Variants in ZNF678 observed in about 807,000 individuals in gnomAD.
ZNF678 encodes hypothetical protein MGC42493.
ZNF678 carries 5 observed loss-of-function variants against 3.0 expected under a neutral mutation model. That is an observed-to-expected ratio of 1.69 (90% confidence interval 0.88 to 3.56). The LOEUF (loss-of-function observed/expected upper bound fraction) is 3.56, where lower values mean the gene tolerates loss of function less well. Ranked by LOEUF, ZNF678 falls within the 30% of genes most tolerant of loss-of-function variation. The pLI is 0.00. For missense variants in ZNF678, 593 were observed against 605.0 expected, an observed-to-expected ratio of 0.98 and a Z score of 0.21; for synonymous variants, 218 against 199.6, an observed-to-expected ratio of 1.09 and a Z score of -0.78.
chr1:227,637,232 G>A (rs1191597568), intron 1 of ZNF678, among the ~76,000 whole-genome samples: 11 of 152,220 alleles, frequency 7.2e-5, no homozygotes. Flanking sequence ...GTAGCTTCAG[G>A]TAAGAGCATG....
chr1:227,578,016 A>C (rs1657030073), intron 1 of ZNF678, among the ~76,000 whole-genome samples: 1 of 152,166 alleles, frequency 6.6e-6, no homozygotes, highest in South Asian at 2.1e-4. Context: ...GCCGAATATG[A>C]AATTCTGGGA....
At position 227,645,855 on chromosome 1, in the gene ZNF678, G is replaced by A. The variant is rs118148399; in HGVS notation, c.-163-689G>A. 4.6e-3 allele frequency among the ~76,000 whole-genome samples: 699 copies of A among 152,316 alleles called. 18 individuals carry two copies. The South Asian group carries it at 0.057, about 12-fold the overall frequency. On this transcript the variant is annotated intron_variant, in intron 1 of 3. Coordinates refer to ENST00000343776, the MANE Select transcript of ZNF678 (RefSeq NM_001367909.1). ...CACTAGGTTAAGGTGCTCTCTGACA[G>A]ATTTCTGCACTATAAAGCAAATTAG...
chr1:227,637,650 G>A (rs754325471), intron 1 of ZNF678, among the ~76,000 whole-genome samples: 50 of 152,184 alleles, frequency 3.3e-4, no homozygotes, highest in Non-Finnish European at 5.9e-4. Flanking sequence ...GCCTTTTGGA[G>A]TAGATGGAAA....
intron 1 of ZNF678, among the ~76,000 whole-genome samples, chr1:227,612,245 G>C (rs139990361): frequency 7.9e-4 from 120 of 152,272 alleles, no homozygotes; most frequent in Middle Eastern, 3.4e-3. Context: ...ATTTCCACTA[G>C]GTCATGAGGT....
downstream of ZNF678, among the ~76,000 whole-genome samples, chr1:227,679,527 C>T (rs1024177644): frequency 2.7e-5 from 4 of 150,758 alleles, no homozygotes; most frequent in Non-Finnish European, 4.4e-5. Flanking sequence ...CCTGCTTGCT[C>T]AATTGATCAT....
chr1:227,573,581 G>A (rs1571857182), intron 1 of ZNF678, among the ~76,000 whole-genome samples: 1 of 152,250 alleles, frequency 6.6e-6, no homozygotes, highest in Non-Finnish European at 1.5e-5. Flanking sequence ...TCACACAAAT[G>A]GTCCACAGTT....
At chr1:227,668,900 A>G (rs1268696426) in intron 5 of ZNF678, among the ~76,000 whole-genome samples, 1 of 152,070 alleles carries the variant, frequency 6.6e-6, no homozygotes, top group African/African-American at 2.4e-5. Context: ...CAAGTTTCCT[A>G]TTCTGTTCTA....
intron 5 of ZNF678, among the ~76,000 whole-genome samples, chr1:227,675,916 G>A (rs1004207817): frequency 4.6e-5 from 7 of 152,232 alleles, no homozygotes; most frequent in Middle Eastern, 3.4e-3. Flanking sequence ...ATCTCAAGAC[G>A]GTATTTAATG....
Position 227,620,347 on chromosome 1 carries a change from C to T in ZNF678, c.-163-26197C>T, listed in dbSNP as rs142785498. ...GTAAGTTAACGTTACCATTAATATTCCACTTACATTGTGCTGAAAAAGTTT... is the reference window on the plus strand; with the variant it reads ...GTAAGTTAACGTTACCATTAATATTTCACTTACATTGTGCTGAAAAAGTTT... On this transcript the variant is annotated intron_variant, in intron 1 of 3. Coordinates refer to ENST00000343776, the MANE Select transcript of ZNF678 (RefSeq NM_001367909.1). 9.1e-4 allele frequency among the ~76,000 whole-genome samples: 139 copies of T among 152,252 alleles called. 2 individuals are homozygous for T. The East Asian group carries it at 0.025, about 27-fold the overall frequency.
At chr1:227,653,156 A>G (rs1184849365) in intron 3 of ZNF678, among the ~76,000 whole-genome samples, 13 of 152,128 alleles carry the variant, frequency 8.5e-5, no homozygotes, top group Non-Finnish European at 1.9e-4. Flanking sequence ...ATGCTTATAA[A>G]TGACACATCC....
chr1:227,589,357 G>A (rs1210144458), intron 1 of ZNF678, among the ~76,000 whole-genome samples: 5 of 151,726 alleles, frequency 3.3e-5, no homozygotes, highest in African/African-American at 4.9e-5. Context: ...TCAACTTTCT[G>A]CATATGGCTA....
At chr1:227,601,201 C>T (rs545114735) in intron 1 of ZNF678, among the ~76,000 whole-genome samples, 2 of 152,080 alleles carry the variant, frequency 1.3e-5, no homozygotes, top group African/African-American at 4.8e-5. Context: ...GTGATACTTC[C>T]AGCATTGTTA....
rs150529522 is a variant in ZNF678 at position 227,642,336 on chromosome 1, C to T, written c.-163-4208C>T. Among the ~76,000 whole-genome samples the T allele has an allele frequency of 4.6e-5, 7 of 152,304 alleles. No homozygotes were observed. In the East Asian group the frequency reaches 1.3e-3, roughly 29 times the overall value. On this transcript the variant is annotated intron_variant, in intron 1 of 3. Transcript: ENST00000343776. The stretch of plus-strand genomic sequence containing the variant: ...TGTGCGAATAGCAAAAGGTAGAGCA[C>T]CCTGTCTCAGAGTTTCTTTTGGAGA...
chr1:227,587,049 G>C (rs944784859), intron 1 of ZNF678, among the ~76,000 whole-genome samples: 2 of 152,204 alleles, frequency 1.3e-5, no homozygotes, highest in African/African-American at 4.8e-5. Context: ...TTTGGGTTGG[G>C]AGAAGCTAGG....
chr1:227,630,644 A>G (rs1235075523), intron 1 of ZNF678, among the ~76,000 whole-genome samples: 1 of 152,212 alleles, frequency 6.6e-6, no homozygotes, highest in South Asian at 2.1e-4. Context: ...AAAAAGGTAC[A>G]TGCACTCTGA....
At chr1:227,669,931 C>G (rs1256588485) in intron 5 of ZNF678, among the ~76,000 whole-genome samples, 1 of 152,040 alleles carries the variant, frequency 6.6e-6, no homozygotes, top group African/African-American at 2.4e-5. Flanking sequence ...CTCACAGTAG[C>G]AGAGAAGTGG....
chr1:227,580,738 T>C (rs777136926), intron 1 of ZNF678, among the ~76,000 whole-genome samples: 4 of 152,128 alleles, frequency 2.6e-5, no homozygotes, highest in Non-Finnish European at 5.9e-5. Context: ...TAGACCAGCC[T>C]GACCAACTAC....
At chr1:227,610,935 A>G (rs1658001625) in intron 1 of ZNF678, among the ~76,000 whole-genome samples, 1 of 152,186 alleles carries the variant, frequency 6.6e-6, no homozygotes, top group African/African-American at 2.4e-5. Context: ...ACTGCTGATT[A>G]CCACAACCTC....
intron 2 of ZNF678, among the ~76,000 whole-genome samples, chr1:227,650,322 C>A (rs1659059871): frequency 6.6e-6 from 1 of 152,098 alleles, no homozygotes; most frequent in Non-Finnish European, 1.5e-5. Context: ...AACTTATATG[C>A]ATGGGTTTAT....
Sources: allele counts gnomAD v4.1 joint callset (sites outside exome capture counted in the v4.1 genomes callset), GRCh38; gene constraint gnomAD v4.1.1; transcripts MANE v1.5; gene names NCBI Gene and HGNC (gene_info 2026-07-23, HGNC 2026-07-21).